Variants in RARB observed in about 807,000 individuals in gnomAD.
The protein encoded by RARB is HBV-activated protein.
RARB carries 17 observed loss-of-function variants against 51.9 expected under a neutral mutation model. The observed-to-expected ratio is 0.33, with a 90% CI of 0.22 to 0.49. The LOEUF (loss-of-function observed/expected upper bound fraction) is 0.49, where lower values mean the gene tolerates loss of function less well. Among genes scored for constraint, RARB ranks in the 20% least tolerant of loss-of-function variants. The pLI is 0.99. For synonymous variants in RARB, 215 were observed against 195.4 expected, an observed-to-expected ratio of 1.10 and a Z score of -0.84; for missense variants, 369 against 550.8, an observed-to-expected ratio of 0.67 and a Z score of 3.30.
Position 25,362,494 on chromosome 3 carries a change from G to A in RARB, c.179-98699G>A, listed in dbSNP as rs557331949. On this transcript the variant is annotated intron_variant, in intron 5 of 11. Coordinates refer to the RARB transcript ENST00000383772. ...CCAGGGGAGTGAACGGTTCTGTCTC[G>A]CTGGCATTCCAGGCGCCACAGGGGT... Among the ~76,000 whole-genome samples the A allele has an allele frequency of 7.2e-5, 11 of 152,296 alleles. No homozygotes were observed. The East Asian group carries it at 7.8e-4, about 11-fold the overall frequency.
chr3:25,237,218 G>C (rs1263913717), intron 5 of RARB, among the ~76,000 whole-genome samples: 1 of 152,062 alleles, frequency 6.6e-6, no homozygotes, highest in African/African-American at 2.4e-5. Flanking sequence ...TCCCTTTGGA[G>C]AACTTGGTTA....
intron 2 of RARB, among the ~76,000 whole-genome samples, chr3:24,960,988 G>A (rs1478719407): frequency 6.6e-6 from 1 of 152,106 alleles, no homozygotes; most frequent in Non-Finnish European, 1.5e-5. Context: ...TGTGACAGGG[G>A]CCAGGAATTA....
chr3:24,921,657 G>A (rs1015753520), intron 2 of RARB, among the ~76,000 whole-genome samples: 9 of 151,894 alleles, frequency 5.9e-5, no homozygotes, highest in Non-Finnish European at 8.8e-5. Flanking sequence ...CTCTCTTCCC[G>A]CATAGTCTAG....
At chr3:25,384,061 A>G (rs1193787584) in intron 5 of RARB, among the ~76,000 whole-genome samples, 1 of 152,214 alleles carries the variant, frequency 6.6e-6, no homozygotes, top group African/African-American at 2.4e-5. Context: ...GAAGAAAAAA[A>G]CAGAAACATA....
chr3:25,278,862 CT>C (rs1389392824), intron 5 of RARB, among the ~76,000 whole-genome samples: 3 of 152,202 alleles, frequency 2.0e-5, no homozygotes. Context: ...ATTTGGGGAG[CT>C]CTTGAGGTAG....
chr3:25,301,117 A>AT lies in RARB; in HGVS notation c.178+126551dup, dbSNP rs1372620941. ...TTCGGATTTATGGCAGTTTGACTTAATTTTTTTTTACTTTATGATGGGGTT... is the reference window on the plus strand; with the variant it reads ...TTCGGATTTATGGCAGTTTGACTTAATTTTTTTTTTACTTTATGATGGGGTT... On this transcript the variant is annotated intron_variant, in intron 5 of 11. Transcript: ENST00000383772. 5.3e-5 allele frequency among the ~76,000 whole-genome samples: 8 copies of AT among 151,884 alleles called. No homozygotes were observed. The East Asian group carries it at 7.7e-4, about 15-fold the overall frequency.
At chr3:25,329,906 A>AG (rs1400673695) in intron 5 of RARB, among the ~76,000 whole-genome samples, 2 of 152,240 alleles carry the variant, frequency 1.3e-5, no homozygotes, top group South Asian at 4.1e-4. Context: ...AGTGGAAGAA[A>AG]GGGTATCAGT....
At chr3:24,842,604 G>A (rs1193415545) in intron 1 of RARB, among the ~76,000 whole-genome samples, 3 of 152,134 alleles carry the variant, frequency 2.0e-5, no homozygotes, top group African/African-American at 7.2e-5. Flanking sequence ...GTCCTCTTGA[G>A]AAATCCTGGG....
intron 2 of RARB, 33 bp downstream of exon 2, chr3:25,461,374 C>G (rs1198941575): frequency 6.2e-7 from 1 of 1,606,080 alleles, no homozygotes; most frequent in Non-Finnish European, 8.5e-7. Context: ...CTGATGAACT[C>G]TCATTCTCCA....
At chr3:25,420,462 C>T (rs980822169) in intron 5 of RARB, among the ~76,000 whole-genome samples, 3 of 152,192 alleles carry the variant, frequency 2.0e-5, no homozygotes, top group Admixed American at 2.0e-4. Flanking sequence ...ATCTAAGGGG[C>T]TCTCTCCAGC....
chr3:25,265,375 T>C (rs538348475), intron 5 of RARB, among the ~76,000 whole-genome samples: 5 of 152,226 alleles, frequency 3.3e-5, no homozygotes, highest in Non-Finnish European at 5.9e-5. Flanking sequence ...CAAAAATATT[T>C]GTATCAATTG....
intron 5 of RARB, among the ~76,000 whole-genome samples, chr3:25,259,423 T>G (rs779895348): frequency 6.6e-6 from 1 of 152,136 alleles, no homozygotes; most frequent in Middle Eastern, 3.2e-3. Flanking sequence ...TATCACTTGT[T>G]GACCTGGTGA....
intron 5 of RARB, among the ~76,000 whole-genome samples, chr3:25,190,659 T>G (rs1404172395): frequency 6.6e-6 from 1 of 152,038 alleles, no homozygotes; most frequent in Non-Finnish European, 1.5e-5. Context: ...TGGCAACAGT[T>G]TTCTAGTTTC....
At chr3:25,024,524 C>T (rs1417009075) in intron 2 of RARB, among the ~76,000 whole-genome samples, 2 of 152,142 alleles carry the variant, frequency 1.3e-5, no homozygotes, top group Non-Finnish European at 1.5e-5. Context: ...TTTATCTTCT[C>T]TGCAGATAAG....
intron 2 of RARB, among the ~76,000 whole-genome samples, chr3:24,943,729 T>C (rs1322189790): frequency 1.3e-5 from 2 of 152,198 alleles, no homozygotes. Flanking sequence ...AAATTGCATT[T>C]TGCACCTACA....
intron 3 of RARB, among the ~76,000 whole-genome samples, chr3:25,524,974 C>T (rs1312990436): frequency 6.6e-6 from 1 of 152,090 alleles, no homozygotes; most frequent in Non-Finnish European, 1.5e-5. Context: ...GGTGATCCAC[C>T]CCCCTCAGCC....
At chr3:25,418,579 C>A (rs1245629417) in intron 5 of RARB, among the ~76,000 whole-genome samples, 2 of 151,910 alleles carry the variant, frequency 1.3e-5, no homozygotes, top group Non-Finnish European at 2.9e-5. Flanking sequence ...CATTTCTAGC[C>A]TCTGTAACTT....
At chr3:25,076,476 T>A (rs1422293515) in intron 3 of RARB, among the ~76,000 whole-genome samples, 10 of 152,212 alleles carry the variant, frequency 6.6e-5, no homozygotes, top group Non-Finnish European at 1.5e-4. Context: ...AATCTGTGGC[T>A]ATTTTAGATT....
intron 2 of RARB, among the ~76,000 whole-genome samples, chr3:24,885,791 C>T (rs1703255919): frequency 6.6e-6 from 1 of 152,170 alleles, no homozygotes; most frequent in Non-Finnish European, 1.5e-5. Context: ...TTCTGCTGGA[C>T]ATTTGGGAAA....
Sources: allele counts gnomAD v4.1 joint callset (sites outside exome capture counted in the v4.1 genomes callset), GRCh38; gene constraint gnomAD v4.1.1; transcripts MANE v1.5; gene names NCBI Gene and HGNC (gene_info 2026-07-23, HGNC 2026-07-21).